TACR1: variants seen among roughly 807,000 people sequenced by gnomAD.
TACR1 encodes tachykinin receptor 1.
In TACR1, 25 loss-of-function variants were observed where a neutral mutation model predicts 35.8. That is an observed-to-expected ratio of 0.70 (90% CI 0.51 to 0.98). The LOEUF (loss-of-function observed/expected upper bound fraction) is 0.98, where lower values mean the gene tolerates loss of function less well. Ranked by LOEUF, TACR1 falls within the 50% of genes least tolerant of loss-of-function variation. TACR1 has a pLI of 0.00. For synonymous variants in TACR1, 195 were observed against 206.7 expected (o/e 0.94, Z 0.48); for missense variants, 478 against 522.9 (o/e 0.91, Z 0.84).
intron 1 of TACR1, among the ~76,000 whole-genome samples, chr2:75,136,734 C>A (rs1470730091): frequency 6.6e-6 from 1 of 152,132 alleles, no homozygotes; most frequent in Non-Finnish European, 1.5e-5. Context: ...TCAAATAAGA[C>A]AAAAGTTAAG....
intron 2 of TACR1, among the ~76,000 whole-genome samples, chr2:75,063,973 G>A (rs369884947): frequency 7.2e-5 from 11 of 152,244 alleles, no homozygotes; most frequent in African/African-American, 2.6e-4. Flanking sequence ...AGATCAGGTT[G>A]TAAATCCACT....
chr2:75,158,720 C>G (rs190110135), intron 1 of TACR1, among the ~76,000 whole-genome samples: 126 of 152,270 alleles, frequency 8.3e-4, no homozygotes, highest in South Asian at 1.7e-3. Flanking sequence ...GAGTATTCCT[C>G]AAATCAATAT....
At chr2:75,150,050 A>G (rs1206206545) in intron 1 of TACR1, among the ~76,000 whole-genome samples, 1 of 152,054 alleles carries the variant, frequency 6.6e-6, no homozygotes, top group African/African-American at 2.4e-5. Flanking sequence ...GCTTTTATTG[A>G]TTTGCATATG....
chr2:75,159,540 G>A (rs1674949022), intron 1 of TACR1, among the ~76,000 whole-genome samples: 1 of 152,034 alleles, frequency 6.6e-6, no homozygotes, highest in South Asian at 2.1e-4. Context: ...GAAGTTACAG[G>A]CAGGAAAAAA....
At chr2:75,053,091 G>A (rs575320455) in intron 3 of TACR1, among the ~76,000 whole-genome samples, 12 of 151,918 alleles carry the variant, frequency 7.9e-5, no homozygotes, top group Admixed American at 2.6e-4. Flanking sequence ...TTCATCACAG[G>A]TATAGATGAA....
chr2:75,093,960 A>C (rs58933792), intron 2 of TACR1, among the ~76,000 whole-genome samples: 36,255 of 151,978 alleles, frequency 0.24, 5,603 homozygotes, highest in Admixed American at 0.45. Context: ...AGATGTACTC[A>C]GGTCACACAG....
At chr2:75,144,457 C>G (rs1288945289) in intron 1 of TACR1, among the ~76,000 whole-genome samples, 1 of 152,166 alleles carries the variant, frequency 6.6e-6, no homozygotes, top group Non-Finnish European at 1.5e-5. Flanking sequence ...ATCCCCACAG[C>G]CTCATAGAGA....
At chr2:75,190,993 T>G (rs1160106248) in intron 1 of TACR1, among the ~76,000 whole-genome samples, 2 of 152,222 alleles carry the variant, frequency 1.3e-5, no homozygotes, top group African/African-American at 4.8e-5. Flanking sequence ...ATTAATTTCC[T>G]TGAGCAGTTC....
At chr2:75,078,034 C>T (rs1164650688) in intron 2 of TACR1, among the ~76,000 whole-genome samples, 1 of 152,214 alleles carries the variant, frequency 6.6e-6, no homozygotes, top group Non-Finnish European at 1.5e-5. Flanking sequence ...CACTTCTCTA[C>T]TGGCGTAACT....
chr2:75,191,581 C>T (rs1364847813), intron 1 of TACR1, among the ~76,000 whole-genome samples: 1 of 152,100 alleles, frequency 6.6e-6, no homozygotes, highest in African/African-American at 2.4e-5. Flanking sequence ...TCCTGTGGGG[C>T]TCAGTCAACT....
intron 1 of TACR1, among the ~76,000 whole-genome samples, chr2:75,146,898 T>G (rs1674527278): frequency 6.6e-6 from 1 of 152,240 alleles, no homozygotes; most frequent in Non-Finnish European, 1.5e-5. Flanking sequence ...ATAATGGCCT[T>G]GAACAATTTC....
intron 1 of TACR1, among the ~76,000 whole-genome samples, chr2:75,131,410 A>T (rs1465129298): frequency 6.6e-6 from 1 of 152,180 alleles, no homozygotes; most frequent in Non-Finnish European, 1.5e-5. Flanking sequence ...ATTCTTTAAA[A>T]AATTCAACTC....
chr2:75,089,925 A>G (rs78723191), intron 2 of TACR1, among the ~76,000 whole-genome samples: 2 of 152,228 alleles, frequency 1.3e-5, no homozygotes, highest in Non-Finnish European at 2.9e-5. Flanking sequence ...CTAGACTAAA[A>G]TAAATGCACC....
intron 1 of TACR1, among the ~76,000 whole-genome samples, chr2:75,196,563 T>A (rs1239347987): frequency 2.0e-5 from 3 of 151,914 alleles, no homozygotes; most frequent in African/African-American, 7.3e-5. Context: ...TCACAGAGGG[T>A]CGGGGCTCTG....
Position 75,082,748 on chromosome 2 carries a change from C to T in TACR1, c.585-28993G>A, listed in dbSNP as rs1389824120. Among the ~76,000 whole-genome samples, 3 of 152,186 alleles carry T rather than the reference C, an allele frequency of 2.0e-5. No homozygotes were observed. The East Asian group carries it at 5.8e-4, about 29-fold the overall frequency. ...CTTTTGAGAAGTGTCTTTTCATATC[C>T]TTCATGCACTTTTTGATGGGGTTGT... On this transcript the variant is annotated intron_variant, in intron 2 of 4. Coordinates refer to ENST00000305249, the MANE Select transcript of TACR1 (RefSeq NM_001058.4).
intron 1 of TACR1, among the ~76,000 whole-genome samples, chr2:75,132,949 G>C (rs1229436852): frequency 6.6e-6 from 1 of 152,204 alleles, no homozygotes; most frequent in Non-Finnish European, 1.5e-5. Context: ...GTTTCCTGCA[G>C]CTGTTGGCAG....
At position 75,198,579 on chromosome 2, in the gene TACR1, C is replaced by T; in HGVS notation, c.356G>A (p.Ser119Asn). The change falls in exon 1 of 5, where the codon AGT (serine) becomes AAT (asparagine). Residue 119 changes from serine to asparagine, a missense_variant. By Grantham distance (46) the Ser-to-Asn change is conservative (BLOSUM62 1). Coordinates refer to ENST00000305249, the MANE Select transcript of TACR1 (RefSeq NM_001058.4). ...GGCCACAGCCGTCATGGAGTAGATACTGGCGAAGACAGCGGCGATGGGAAA... is the reference window on the plus strand; with the variant it reads ...GGCCACAGCCGTCATGGAGTAGATATTGGCGAAGACAGCGGCGATGGGAAA... ...NFFPIAAVFA[S>N]IYSMTAVAFD... 6.2e-7 allele frequency: 1 copy of T among 1,614,108 alleles called. No individual in the cohort carries two copies. Among genetic ancestry groups the T allele is most frequent in the Non-Finnish European group, 8.5e-7 (1 of 1,179,958 alleles).
At chr2:75,083,795 G>A (rs1404167329) in intron 2 of TACR1, among the ~76,000 whole-genome samples, 1 of 152,174 alleles carries the variant, frequency 6.6e-6, no homozygotes, top group African/African-American at 2.4e-5. Context: ...AGACTTTGCT[G>A]AAGTTGCTTA....
intron 2 of TACR1, among the ~76,000 whole-genome samples, chr2:75,108,751 G>T (rs929048925): frequency 3.3e-5 from 5 of 152,070 alleles, no homozygotes; most frequent in Non-Finnish European, 7.4e-5. Flanking sequence ...ATCATTATTA[G>T]AATCAATAAA....
Sources: allele counts gnomAD v4.1 joint callset (sites outside exome capture counted in the v4.1 genomes callset), GRCh38; gene constraint gnomAD v4.1.1; transcripts MANE v1.5; gene names NCBI Gene and HGNC (gene_info 2026-07-23, HGNC 2026-07-21).